Variants in MCOLN3 observed in about 807,000 individuals in gnomAD.
MCOLN3 encodes the protein mucolipin-3.
A neutral mutation model predicts 69.4 loss-of-function variants in MCOLN3; 62 were observed. The observed-to-expected ratio is 0.89, with a 90% CI of 0.73 to 1.10. The LOEUF is 1.10. Ranked by LOEUF, MCOLN3 falls within the 50% of genes least tolerant of loss-of-function variation. MCOLN3 has a pLI of 0.00. For synonymous variants in MCOLN3, 183 were observed against 217.0 expected (o/e 0.84, Z 1.38); for missense variants, 564 against 656.4 (o/e 0.86, Z 1.54).
At chr1:85,024,642 A>C (rs1652123355) in intron 9 of MCOLN3, 1 of 152,142 alleles carries the variant, frequency 6.6e-6, no homozygotes, top group Non-Finnish European at 1.5e-5. Flanking sequence ...AGAAAACATG[A>C]TATGATCATC....
chr1:85,032,555 G>T, intron 6 of MCOLN3, 141 bp downstream of exon 6: 2 of 700,722 alleles, frequency 2.9e-6, no homozygotes, highest in Non-Finnish European at 2.6e-6. Context: ...AGAGCTAGAT[G>T]TATCAATGCT....
In MCOLN3 at chr1:85,021,150, A is replaced by G. The variant is rs1651911036; in HGVS notation, c.1447T>C (p.Tyr483His). 1 of 1,613,062 alleles carries G rather than the reference A, an allele frequency of 6.2e-7. No individual in the cohort carries two copies. Among genetic ancestry groups the G allele is most frequent in the Non-Finnish European group, 8.5e-7 (1 of 1,179,292 alleles). Reference protein sequence around the residue: ...LVWLFSRIYLYSFISLFIYMI... With the variant: ...LVWLFSRIYLHSFISLFIYMI... ...TATATAAAGAGGCTGATGAATGAGT[A>G]GAGGTAAATTCTACTAAACAGCCAG... The change falls in exon 12 of 13, where the codon TAC becomes CAC. Residue 483 changes from tyrosine to histidine, a missense_variant. Coordinates refer to ENST00000370589, the MANE Select transcript of MCOLN3 (RefSeq NM_018298.11).
chr1:85,022,517 A>G (rs1651995615), intron 9 of MCOLN3, 117 bp from the exon 10 acceptor site: 4 of 649,346 alleles, frequency 6.2e-6, no homozygotes, highest in Non-Finnish European at 2.7e-6. Flanking sequence ...AGCAGTGAAC[A>G]AACAAAAGTC....
chr1:85,021,787 GAT>G (rs1391985476), intron 11 of MCOLN3, among the ~76,000 whole-genome samples: 2 of 152,070 alleles, frequency 1.3e-5, no homozygotes, highest in Non-Finnish European at 1.5e-5. Flanking sequence ...ACTGCTTTTG[GAT>G]ATATCGATGA....
chr1:85,031,269 C>CAAA (rs60048551), intron 6 of MCOLN3, among the ~76,000 whole-genome samples: 2,547 of 97,526 alleles, frequency 0.026, 109 homozygotes, highest in African/African-American at 0.09. Context: ...GAATCCATCT[C>CAAA]AAAAAAAAAA....
Position 85,022,181 on chromosome 1 carries a change from C to A in MCOLN3, c.1209G>T (p.Leu403Phe), listed in dbSNP as rs752202736. ...CATTGGGCAGCGCTGCCTGAAGGGT[C>A]AAAATGAGGAGCTGGGAAAGTAAGA... ...GFFAKYNLLI[L>F]TLQAALPNVI... Residue 403 changes from leucine (L) to phenylalanine (F), a missense_variant, in exon 11 of 13, where the codon TTG (leucine) becomes TTT (phenylalanine). By Grantham distance (22) the Leu-to-Phe change is conservative. Coordinates refer to ENST00000370589, the MANE Select transcript of MCOLN3 (RefSeq NM_018298.11). 1.9e-6 allele frequency: 3 copies of A among 1,613,994 alleles called. No homozygotes were observed. The highest frequency in any genetic ancestry group is 2.2e-5 in the South Asian group (2 of 91,044).
chr1:85,018,616 A>C lies in MCOLN3; in HGVS notation c.*507T>G, dbSNP rs1006536084. ...TGCGCTCTTATTCTGGTGCGCTCTT[A>C]TTCTGGTGCACTCTTATTCTTCCTT... On this transcript the variant is annotated 3_prime_UTR_variant, in exon 13 of 13. Coordinates refer to ENST00000370589, the MANE Select transcript of MCOLN3 (RefSeq NM_018298.11). 1 of 152,828 alleles carries C rather than the reference A, an allele frequency of 6.5e-6. No individual in the cohort carries two copies. Among genetic ancestry groups the C allele is most frequent in the Admixed American group, 6.5e-5 (1 of 15,336 alleles). The allele number at this position is 152,828 out of a possible 1,614,324, so 9.5% of individuals were successfully genotyped here.
At position 85,032,802 on chromosome 1, in the gene MCOLN3, A is replaced by G; in HGVS notation, c.636-10T>C. ...CTCCACTGTTAGGAGTCTAGAAAAC[A>G]GAGGTGATTTTAGTTCTGTGGCAAT... On this transcript the variant is annotated splice_polypyrimidine_tract_variant and intron_variant, in intron 5 of 12. Coordinates refer to ENST00000370589, the MANE Select transcript of MCOLN3 (RefSeq NM_018298.11). The G allele has an allele frequency of 6.2e-7, 1 of 1,613,928 alleles. No individual in the cohort carries two copies. Among genetic ancestry groups the G allele is most frequent in the Non-Finnish European group, 8.5e-7 (1 of 1,179,748 alleles).
At chr1:85,040,036 T>G (rs1271918473) in intron 3 of MCOLN3, among the ~76,000 whole-genome samples, 1 of 152,170 alleles carries the variant, frequency 6.6e-6, no homozygotes, top group African/African-American at 2.4e-5. Flanking sequence ...ACTACCAGTT[T>G]AGATCAGACT....
At chr1:85,040,118 T>A (rs1652989273) in intron 3 of MCOLN3, among the ~76,000 whole-genome samples, 1 of 152,172 alleles carries the variant, frequency 6.6e-6, no homozygotes, top group South Asian at 2.1e-4. Flanking sequence ...TTCTTCCCCC[T>A]ACAAGCTGTA....
intron 2 of MCOLN3, among the ~76,000 whole-genome samples, chr1:85,043,883 G>A (rs1159357030): frequency 3.3e-5 from 5 of 150,952 alleles, no homozygotes; most frequent in African/African-American, 1.2e-4. Flanking sequence ...CTGTCACCCA[G>A]GCTGGAGTGC....
intron 7 of MCOLN3, among the ~76,000 whole-genome samples, chr1:85,027,257 TAGAA>T (rs1163098498): frequency 2.6e-5 from 4 of 152,154 alleles, no homozygotes; most frequent in Non-Finnish European, 5.9e-5. Context: ...GAGTAAGTAA[TAGAA>T]AGAAGATAAA....
Position 85,026,290 on chromosome 1 carries a change from A to C in MCOLN3, c.833-6T>G. 1 of 1,588,636 alleles carries C rather than the reference A, an allele frequency of 6.3e-7. No individual in the cohort carries two copies. The highest frequency in any genetic ancestry group is 1.1e-5 in the South Asian group (1 of 90,532). On this transcript the variant is annotated splice_region_variant and splice_polypyrimidine_tract_variant and intron_variant, in intron 7 of 12. Coordinates refer to ENST00000370589, the MANE Select transcript of MCOLN3 (RefSeq NM_018298.11). Reference sequence around the variant, plus strand: ...GTAATGAGTGTTCTTCTGAACTGAAAGCAAAGAGGATTACATAGTGCTTAT... The same window carrying C: ...GTAATGAGTGTTCTTCTGAACTGAACGCAAAGAGGATTACATAGTGCTTAT...
At chr1:85,020,719 A>G (rs940983674) in intron 12 of MCOLN3, among the ~76,000 whole-genome samples, 1 of 152,192 alleles carries the variant, frequency 6.6e-6, no homozygotes, top group Non-Finnish European at 1.5e-5. Flanking sequence ...TCCCCACAAT[A>G]TTTTGGCTTT....
chr1:85,040,982 A>G (rs368846683), intron 3 of MCOLN3, 28 bp downstream of exon 3: 18 of 1,607,174 alleles, frequency 1.1e-5, no homozygotes, highest in Non-Finnish European at 1.4e-5. Flanking sequence ...TCTTTTTCCC[A>G]AGTAAATAAT....
intron 10 of MCOLN3, 52 bp downstream of exon 10, chr1:85,022,247 C>G: frequency 6.2e-7 from 1 of 1,613,756 alleles, no homozygotes; most frequent in South Asian, 1.1e-5. Flanking sequence ...CAAAGCAGTG[C>G]AATAACTTTG....
intron 2 of MCOLN3, among the ~76,000 whole-genome samples, chr1:85,043,516 T>A (rs1407385286): frequency 7.8e-6 from 1 of 127,478 alleles, no homozygotes; most frequent in Non-Finnish European, 1.7e-5. Flanking sequence ...GGTGACAGAG[T>A]GGGACTCCAT....
chr1:85,021,208 C>T lies in MCOLN3; in HGVS notation c.1389G>A (p.Thr463=), dbSNP rs190549172. Residue 463 remains threonine (T), a synonymous_variant, in exon 12 of 13, where the codon ACG becomes ACA. Coordinates refer to ENST00000370589, the MANE Select transcript of MCOLN3 (RefSeq NM_018298.11). Reference sequence around the variant, plus strand: ...AACTTTTTTGCTGCATTTTTGCAAACGTGGCAAACATATCATCTCCATTTA... The same window carrying T: ...AACTTTTTTGCTGCATTTTTGCAAATGTGGCAAACATATCATCTCCATTTA... ...SLINGDDMFA[T]FAKMQQKSYL... 2.7e-4 allele frequency: 439 copies of T among 1,613,812 alleles called. 2 individuals are homozygous for T. In the South Asian group the frequency reaches 4.0e-3, roughly 15 times the overall value.
chr1:85,040,373 G>A (rs1281984009), intron 3 of MCOLN3, among the ~76,000 whole-genome samples: 1 of 152,096 alleles, frequency 6.6e-6, no homozygotes, highest in African/African-American at 2.4e-5. Context: ...AACCCAGTCT[G>A]GGAATGCTGA....
Sources: gnomAD v4.1 joint callset for allele counts (sites outside exome capture counted in the v4.1 genomes callset) on GRCh38, gnomAD v4.1.1 for gene constraint, MANE v1.5 for transcripts, NCBI Gene and HGNC (gene_info 2026-07-23, HGNC 2026-07-21) for gene names.